LYPD5: variants seen among roughly 807,000 people sequenced by gnomAD.
The protein encoded by LYPD5 is ly6/PLAUR domain-containing protein 5.
Under a neutral mutation model 19.1 loss-of-function variants are expected in LYPD5, and 21 were observed. The ratio of observed to expected loss-of-function variants is 1.10; its 90% CI spans 0.78 to 1.58. LYPD5 has a LOEUF of 1.58. Ranked by LOEUF, LYPD5 falls within the 40% of genes most tolerant of loss-of-function variation. LYPD5 has a pLI of 0.00. For missense variants in LYPD5, 287 were observed against 329.8 expected (o/e 0.87, Z 1.00); for synonymous variants, 128 against 142.7 (o/e 0.90, Z 0.74).
intron 1 of LYPD5, among the ~76,000 whole-genome samples, chr19:43,808,743 T>A (rs1028029012): frequency 1.3e-5 from 2 of 152,252 alleles, no homozygotes; most frequent in African/African-American, 4.8e-5. Context: ...ATTCATTCAA[T>A]GATCCACTTT....
At chr19:43,816,869 G>C (rs1259148393) in intron 1 of LYPD5, among the ~76,000 whole-genome samples, 1 of 152,124 alleles carries the variant, frequency 6.6e-6, no homozygotes, top group Admixed American at 6.5e-5. Flanking sequence ...TTTTATAAGG[G>C]GAAACCCTTT....
At chr19:43,807,618 C>T (rs2146501370) in intron 1 of LYPD5, among the ~76,000 whole-genome samples, 1 of 152,314 alleles carries the variant, frequency 6.6e-6, no homozygotes, top group Middle Eastern at 3.4e-3. Flanking sequence ...GATAGCTGTG[C>T]TCACCTGTGT....
intron 1 of LYPD5, among the ~76,000 whole-genome samples, chr19:43,816,114 G>C (rs1185685709): frequency 2.0e-5 from 3 of 151,808 alleles, no homozygotes; most frequent in African/African-American, 7.3e-5. Context: ...AAATGTCAAA[G>C]AGCCCTACCA....
chr19:43,798,619 A>T lies in LYPD5; in HGVS notation c.371-18T>A. 6.2e-7 allele frequency: 1 copy of T among 1,609,444 alleles called. No individual in the cohort carries two copies. The highest frequency in any genetic ancestry group is 8.5e-7 in the Non-Finnish European group (1 of 1,179,926). On this transcript the variant is annotated intron_variant, in intron 3 of 4. Coordinates refer to ENST00000377950, the MANE Select transcript of LYPD5 (RefSeq NM_001031749.3). Reference sequence around the variant, plus strand: ...GTCGGGTGCTGGCAAGAGAGCGTAGATGCACACTCAGGCAGTGGTACCCTG... The same window carrying T: ...GTCGGGTGCTGGCAAGAGAGCGTAGTTGCACACTCAGGCAGTGGTACCCTG...
At chr19:43,813,180 T>C (rs62117003) in intron 1 of LYPD5, among the ~76,000 whole-genome samples, 14,428 of 152,244 alleles carry the variant, frequency 0.095, 834 homozygotes, top group Non-Finnish European at 0.13. Flanking sequence ...CAGCCTCTGC[T>C]GCTAGCAGAT....
intron 2 of LYPD5, chr19:43,799,189 T>G (rs1970185555): frequency 1.7e-6 from 1 of 594,258 alleles, no homozygotes; most frequent in African/African-American, 2.0e-5. Context: ...CTCTCCCACC[T>G]TCTCTTCCTT....
chr19:43,798,054 G>GAGCA (rs1970158096), intron 4 of LYPD5, among the ~76,000 whole-genome samples: 3 of 148,288 alleles, frequency 2.0e-5, no homozygotes, highest in Admixed American at 1.3e-4. Flanking sequence ...CCTCAGACCA[G>GAGCA]GGGCCATGCC....
At chr19:43,811,608 C>T (rs941554863) in intron 1 of LYPD5, among the ~76,000 whole-genome samples, 5 of 151,978 alleles carry the variant, frequency 3.3e-5, no homozygotes, top group African/African-American at 1.2e-4. Flanking sequence ...ATGGCTTGGA[C>T]CTGGAAGGCG....
chr19:43,803,695 A>AT (rs55985536), upstream of LYPD5, among the ~76,000 whole-genome samples: 3 of 151,762 alleles, frequency 2.0e-5, no homozygotes, highest in South Asian at 4.2e-4. Flanking sequence ...TTCTATTTCT[A>AT]TTTTTTTTAT....
At chr19:43,810,056 T>C (rs1251352788) in intron 1 of LYPD5, among the ~76,000 whole-genome samples, 1 of 152,154 alleles carries the variant, frequency 6.6e-6, no homozygotes, top group East Asian at 1.9e-4. Context: ...GCACAATACA[T>C]AATAATTTTC....
intron 1 of LYPD5, among the ~76,000 whole-genome samples, chr19:43,810,019 A>C (rs939678951): frequency 6.6e-6 from 1 of 152,228 alleles, no homozygotes; most frequent in Non-Finnish European, 1.5e-5. Context: ...ATAAATTGTA[A>C]ATCACTTTTG....
rs763874733 is a variant in LYPD5 at position 43,797,697 on chromosome 19, G to A, written c.650C>T (p.Ser217Phe). Residue 217 changes from serine (S) to phenylalanine (F), a missense_variant, in exon 5 of 5, where the codon TCC becomes TTC. Transcript: ENST00000377950. ...AGCACTGGTGAAGGGCTGGGTCATG[G>A]ATTTCCTGTTGCAGAGGTACCCCTC... The part of the protein sequence containing the change: ...CCEGYLCNRK[S>F]MTQPFTSASA... 6.2e-7 allele frequency: 1 copy of A among 1,613,824 alleles called. No homozygotes were observed. The highest frequency in any genetic ancestry group is 8.5e-7 in the Non-Finnish European group (1 of 1,179,904).
chr19:43,804,185 C>A (rs1373795314), upstream of LYPD5, among the ~76,000 whole-genome samples: 1 of 152,118 alleles, frequency 6.6e-6, no homozygotes, highest in Non-Finnish European at 1.5e-5. Flanking sequence ...GGTCTCTTGC[C>A]AGCGTTACAA....
chr19:43,799,613 ATCT>A, intron 2 of LYPD5, 90 bp downstream of exon 2: 1 of 1,286,530 alleles, frequency 7.8e-7, no homozygotes, highest in South Asian at 1.5e-5. Flanking sequence ...TTATCTTTTC[ATCT>A]TCTACTCAAT....
intron 1 of LYPD5, among the ~76,000 whole-genome samples, chr19:43,811,938 C>T (rs1970327649): frequency 6.6e-6 from 1 of 152,176 alleles, no homozygotes; most frequent in Admixed American, 6.5e-5. Context: ...TACCCCTCTC[C>T]AAATCCTGTG....
At chr19:43,820,112 C>T (rs752133906) in intron 1 of LYPD5, among the ~76,000 whole-genome samples, 16 of 152,216 alleles carry the variant, frequency 1.1e-4, no homozygotes, top group Non-Finnish European at 2.4e-4. Context: ...CATTCCAGTC[C>T]TGTCATACAC....
At position 43,819,283 on chromosome 19, in the gene LYPD5, CTTTTTT is replaced by C. The variant is rs560659624; in HGVS notation, c.-66+1251_-66+1256del. Reference sequence around the variant, plus strand: ...TCATTTTTCCCTTCTTCTTCTTCTTCTTTTTTTTTTTTTTTTTTTGAGATGGAGTTT... The same window carrying C: ...TCATTTTTCCCTTCTTCTTCTTCTTCTTTTTTTTTTTTTGAGATGGAGTTT... On this transcript the variant is annotated intron_variant, in intron 1 of 4. Coordinates refer to the LYPD5 transcript ENST00000414615. Among the ~76,000 whole-genome samples the C allele has an allele frequency of 3.4e-3, 376 of 110,532 alleles. 1 individual carries two copies. The highest frequency in any genetic ancestry group is 5.3e-3 in the Non-Finnish European group (294 of 55,976). 72.5% of individuals were successfully genotyped at this position (110,532 alleles called of 152,430 possible).
rs373671204 is a variant in LYPD5, at chr19:43,797,857, G to A, written c.518-28C>T. 37 of 1,539,962 alleles carry A rather than the reference G, an allele frequency of 2.4e-5. No individual in the cohort carries two copies. The Admixed American group carries it at 3.0e-4, about 13-fold the overall frequency. ...GGAGGTGGGCAAAGCAGTGAGGAAC[G>A]GTCAGAACTGAGGGAGACAGCTGCA... is the stretch of plus-strand genomic sequence containing the variant. On this transcript the variant is annotated intron_variant, in intron 4 of 4. Coordinates refer to ENST00000377950, the MANE Select transcript of LYPD5 (RefSeq NM_001031749.3).
At chr19:43,799,628 C>T in intron 2 of LYPD5, 78 bp downstream of exon 2, 8 of 1,398,068 alleles carry the variant, frequency 5.7e-6, no homozygotes, top group Non-Finnish European at 7.8e-6. Context: ...CTACTCAATT[C>T]CCCTCCCTTT....
Sources: allele counts gnomAD v4.1 joint callset (sites outside exome capture counted in the v4.1 genomes callset), GRCh38; gene constraint gnomAD v4.1.1; transcripts MANE v1.5; gene names NCBI Gene and HGNC (gene_info 2026-07-23, HGNC 2026-07-21).